DOCK2: variants seen among roughly 807,000 people sequenced by gnomAD.
The protein encoded by DOCK2 is dedicator of cytokinesis 2.
In DOCK2, 87 loss-of-function variants were observed where a neutral mutation model predicts 248.9. The observed-to-expected ratio is 0.35, with a 90% confidence interval of 0.29 to 0.42. DOCK2 has a LOEUF of 0.42. Among genes scored for constraint, DOCK2 ranks in the 10% least tolerant of loss-of-function variants. The pLI is 1.00. For synonymous variants in DOCK2, 805 were observed against 821.6 expected, an observed-to-expected ratio of 0.98 and a Z score of 0.35; for missense variants, 1,747 against 2,300.2, an observed-to-expected ratio of 0.76 and a Z score of 4.92.
At chr5:169,679,562 G>A (rs997220487) in intron 6 of DOCK2, among the ~76,000 whole-genome samples, 4 of 152,158 alleles carry the variant, frequency 2.6e-5, no homozygotes, top group Admixed American at 6.5e-5. Context: ...TTTTAGAACC[G>A]AATCCACTTT....
intron 1 of DOCK2, among the ~76,000 whole-genome samples, chr5:169,640,914 A>G (rs1410487804): frequency 6.6e-6 from 1 of 152,186 alleles, no homozygotes; most frequent in South Asian, 2.1e-4. Context: ...GCTTCTCTCT[A>G]GCTATGGTTT....
At chr5:169,658,718 T>C (rs1303166575) in intron 2 of DOCK2, among the ~76,000 whole-genome samples, 1 of 151,312 alleles carries the variant, frequency 6.6e-6, no homozygotes, top group Non-Finnish European at 1.5e-5. Flanking sequence ...TTCTTTATAA[T>C]AGCATATATT....
At chr5:169,956,656 T>C (rs1214805912) in intron 27 of DOCK2, among the ~76,000 whole-genome samples, 5 of 152,228 alleles carry the variant, frequency 3.3e-5, no homozygotes, top group Non-Finnish European at 2.9e-5. Flanking sequence ...TTAAAATGCA[T>C]TGGAGTGTTC....
rs762613939 is a variant in DOCK2, at chr5:170,008,760, C to T, written c.3232+14C>T. 1 of 1,613,884 alleles carries T rather than the reference C, an allele frequency of 6.2e-7. No individual in the cohort carries two copies. The highest frequency in any genetic ancestry group is 8.5e-7 in the Non-Finnish European group (1 of 1,179,854). On this transcript the variant is annotated intron_variant, in intron 32 of 51. Transcript: ENST00000520908. ...GGTACAAGCTTGGTGAGTAGGCACA[C>T]ACATCCAGATACTCACATCTGCAGG...
At chr5:169,930,440 A>G (rs959268795) in intron 27 of DOCK2, among the ~76,000 whole-genome samples, 20 of 152,192 alleles carry the variant, frequency 1.3e-4, no homozygotes, top group African/African-American at 4.8e-4. Flanking sequence ...GTCCTCTGGG[A>G]TGACATTTCT....
At chr5:169,867,793 G>T (rs1423853102) in intron 27 of DOCK2, among the ~76,000 whole-genome samples, 1 of 152,168 alleles carries the variant, frequency 6.6e-6, no homozygotes, top group African/African-American at 2.4e-5. Context: ...CTGGGGTGTG[G>T]TGGAGTGGGT....
chr5:169,930,226 G>C (rs1481743160), intron 27 of DOCK2, among the ~76,000 whole-genome samples: 1 of 152,156 alleles, frequency 6.6e-6, no homozygotes, highest in Admixed American at 6.5e-5. Context: ...TCCTGACCTT[G>C]TGATCCGCCT....
chr5:170,067,563 G>A lies in DOCK2; in HGVS notation c.4521G>A (p.Glu1507=), dbSNP rs777380162. The A allele has an allele frequency of 3.7e-6, 6 of 1,614,044 alleles. No individual in the cohort carries two copies. The South Asian group carries it at 5.5e-5, about 15-fold the overall frequency. ...NAIETMSTAN[E]KILMMINQYQ... is the part of the protein sequence containing the mutation. ...TAGAAACCATGTCCACGGCCAATGA[G>A]AAGATCCTGATGATGATAAACCAGT... is the stretch of plus-strand genomic sequence containing the variant. The change falls in exon 45 of 52, where the codon GAG becomes GAA. Residue 1507 remains glutamate (E), a synonymous_variant. Coordinates refer to ENST00000520908, the MANE Select transcript of DOCK2 (RefSeq NM_004946.3).
chr5:169,669,203 T>TAAAACAAAAC (rs71310047), intron 2 of DOCK2, 85 bp from the exon 3 acceptor site: 88 of 1,537,100 alleles, frequency 5.7e-5, no homozygotes, highest in Admixed American at 1.2e-4. Context: ...TTTACTAGTT[T>TAAAACAAAAC]AAAACAAAAC....
At chr5:169,964,548 C>T (rs924952947) in intron 27 of DOCK2, among the ~76,000 whole-genome samples, 19 of 152,228 alleles carry the variant, frequency 1.2e-4, no homozygotes, top group Admixed American at 5.2e-4. Flanking sequence ...AGCATCTCCG[C>T]CTGGAGGGCT....
intron 27 of DOCK2, among the ~76,000 whole-genome samples, chr5:169,967,058 C>T (rs772415434): frequency 6.6e-6 from 1 of 152,210 alleles, no homozygotes; most frequent in Non-Finnish European, 1.5e-5. Flanking sequence ...ATGTGCCAGG[C>T]ACTGTGCCAG....
rs929596167 is a variant in DOCK2 at position 169,803,046 on chromosome 5, T to C, written c.2555-12T>C. ...AGGAATTCTACACTACTCTGAACTG[T>C]CTTTATTCCAGAATGCCGGGACATT... On this transcript the variant is annotated splice_polypyrimidine_tract_variant and intron_variant, in intron 25 of 51. Coordinates refer to ENST00000520908, the MANE Select transcript of DOCK2 (RefSeq NM_004946.3). The C allele has an allele frequency of 2.5e-6, 4 of 1,613,960 alleles. No individual in the cohort carries two copies. In the African/African-American group the frequency reaches 5.3e-5, roughly 22 times the overall value.
chr5:170,042,195 T>A, intron 38 of DOCK2, 63 bp downstream of exon 38: 1 of 1,514,472 alleles, frequency 6.6e-7, no homozygotes, highest in Non-Finnish European at 8.9e-7. Flanking sequence ...TTCTCTCCCA[T>A]ACCTTACATC....
chr5:169,808,640 G>A (rs138449666), intron 26 of DOCK2, among the ~76,000 whole-genome samples: 38 of 152,218 alleles, frequency 2.5e-4, no homozygotes, highest in African/African-American at 8.9e-4. Context: ...TTTGAAGGGC[G>A]GTTTCACACT....
At chr5:170,006,661 TA>T (rs1755043393) in intron 30 of DOCK2, among the ~76,000 whole-genome samples, 1 of 152,084 alleles carries the variant, frequency 6.6e-6, no homozygotes, top group African/African-American at 2.4e-5. Context: ...CCCTGGGTGA[TA>T]AAGGTCCAAG....
intron 27 of DOCK2, among the ~76,000 whole-genome samples, chr5:169,871,060 C>G (rs1200410832): frequency 6.6e-6 from 1 of 152,140 alleles, no homozygotes; most frequent in Non-Finnish European, 1.5e-5. Flanking sequence ...GGAGAGGGAC[C>G]TCTCTGAGTT....
rs1367486058 is a variant in DOCK2, at chr5:170,079,233, G to A, written c.5166+87G>A. On this transcript the variant is annotated intron_variant, in intron 49 of 51. Transcript: ENST00000520908. Reference sequence around the variant, plus strand: ...CACAAAACCCAGGGCTTCCAGATATGGGCTTCCTGAAGCCTGCCACTGCGG... The same window carrying A: ...CACAAAACCCAGGGCTTCCAGATATAGGCTTCCTGAAGCCTGCCACTGCGG... The A allele has an allele frequency of 1.3e-5, 20 of 1,507,766 alleles. No homozygotes were observed. The Admixed American group carries it at 3.8e-4, about 29-fold the overall frequency. The allele number at this position is 1,507,766 out of a possible 1,614,324, so 93.4% of individuals were successfully genotyped here.
intron 27 of DOCK2, among the ~76,000 whole-genome samples, chr5:169,886,425 A>G (rs1240200763): frequency 6.6e-6 from 1 of 152,256 alleles, no homozygotes; most frequent in Non-Finnish European, 1.5e-5. Context: ...GGAGAATCCC[A>G]GAGACAATTT....
intron 25 of DOCK2, among the ~76,000 whole-genome samples, chr5:169,800,804 A>G (rs189590886): frequency 6.6e-6 from 1 of 152,262 alleles, no homozygotes; most frequent in Admixed American, 6.5e-5. Flanking sequence ...GTTATCGGAG[A>G]GGAGAGACTC....
Sources: allele counts gnomAD v4.1 joint callset (sites outside exome capture counted in the v4.1 genomes callset), GRCh38; gene constraint gnomAD v4.1.1; transcripts MANE v1.5; gene names NCBI Gene and HGNC (gene_info 2026-07-23, HGNC 2026-07-21).